ATP8A2: variants seen among roughly 807,000 people sequenced by gnomAD.
The protein encoded by ATP8A2 is ATPase phospholipid transporting 8A2.
A neutral mutation model predicts 165.6 loss-of-function variants in ATP8A2; 100 were observed. The observed-to-expected ratio is 0.60, with a 90% CI of 0.51 to 0.71. The LOEUF is 0.71. Ranked by LOEUF, ATP8A2 falls within the 30% of genes least tolerant of loss-of-function variation. The probability of loss-of-function intolerance (pLI) is 0.00; values close to 1 mark genes in which losing one functional copy is unlikely to be tolerated. For missense variants in ATP8A2, 1,227 were observed against 1,479.5 expected, an observed-to-expected ratio of 0.83 and a Z score of 2.80; for synonymous variants, 543 against 548.8, an observed-to-expected ratio of 0.99 and a Z score of 0.15.
rs1187935282 is a variant in ATP8A2, at chr13:25,439,764, G to T, written c.77-29213G>T. ...GTCTAATTTTTTCAAAAATTAGCCG[G>T]TCATGATGGTGTGCACCTGTAGTCC... On this transcript the variant is annotated intron_variant, in intron 1 of 36. Coordinates refer to ENST00000381655, the MANE Select transcript of ATP8A2 (RefSeq NM_016529.6). 2.0e-5 allele frequency among the ~76,000 whole-genome samples: 3 copies of T among 152,048 alleles called. No homozygotes were observed. The East Asian group carries it at 5.8e-4, about 29-fold the overall frequency.
intron 4 of ATP8A2, among the ~76,000 whole-genome samples, chr13:25,531,135 G>A (rs1003802265): frequency 1.5e-5 from 1 of 68,600 alleles, no homozygotes; most frequent in Non-Finnish European, 3.1e-5. Flanking sequence ...TTGTGTGTGT[G>A]TGTATATATA....
intron 12 of ATP8A2, among the ~76,000 whole-genome samples, chr13:25,554,708 C>T (rs2038928634): frequency 1.3e-5 from 2 of 151,962 alleles, no homozygotes; most frequent in Non-Finnish European, 2.9e-5. Context: ...TACAGACATG[C>T]ACCACCATGC....
At position 25,837,250 on chromosome 13, in the gene ATP8A2, A is replaced by C. The variant is rs1566188424; in HGVS notation, c.2842A>C (p.Lys948Gln). 6.2e-7 allele frequency: 1 copy of C among 1,614,170 alleles called. No individual in the cohort carries two copies. The highest frequency in any genetic ancestry group is 1.3e-5 in the African/African-American group (1 of 75,052). Residue 948 changes from lysine to glutamine, a missense_variant, in exon 29 of 37, where the codon AAA becomes CAA. Coordinates refer to ENST00000381655, the MANE Select transcript of ATP8A2 (RefSeq NM_016529.6). The part of the protein sequence containing the change: ...ESMLRFPQLY[K>Q]ITQNGEGFNT... ...CATGCTCAGGTTTCCCCAGCTCTACAAAATCACCCAGAATGGCGAAGGCTT... is the reference window on the plus strand; with the variant it reads ...CATGCTCAGGTTTCCCCAGCTCTACCAAATCACCCAGAATGGCGAAGGCTT...
intron 33 of ATP8A2, among the ~76,000 whole-genome samples, chr13:25,900,139 G>A (rs1351482311): frequency 1.3e-5 from 2 of 152,214 alleles, no homozygotes; most frequent in East Asian, 1.9e-4. Flanking sequence ...GAGAGGGAGG[G>A]AGGATAAGAC....
At chr13:25,633,190 T>C (rs555823319) in intron 24 of ATP8A2, among the ~76,000 whole-genome samples, 1 of 152,204 alleles carries the variant, frequency 6.6e-6, no homozygotes, top group Non-Finnish European at 1.5e-5. Context: ...GTTCTATTAA[T>C]GAGGCATGAT....
At chr13:26,008,879 A>G (rs2139345200) in intron 35 of ATP8A2, among the ~76,000 whole-genome samples, 1 of 152,344 alleles carries the variant, frequency 6.6e-6, no homozygotes, top group East Asian at 1.9e-4. Flanking sequence ...AAGGCTAGAA[A>G]TGTAAGGGTG....
intron 25 of ATP8A2, among the ~76,000 whole-genome samples, chr13:25,707,973 TG>T: frequency 6.6e-6 from 1 of 152,310 alleles, no homozygotes; most frequent in Middle Eastern, 3.4e-3. Flanking sequence ...TTTCAACACA[TG>T]GGGACCCTTG....
intron 30 of ATP8A2, among the ~76,000 whole-genome samples, chr13:25,854,131 T>C (rs1157352019): frequency 1.3e-5 from 2 of 152,204 alleles, no homozygotes; most frequent in African/African-American, 2.4e-5. Context: ...TGGTCATGTT[T>C]CATTGCTGTC....
At chr13:25,452,615 AT>A (rs1178085337) in intron 1 of ATP8A2, among the ~76,000 whole-genome samples, 1 of 152,190 alleles carries the variant, frequency 6.6e-6, no homozygotes, top group Non-Finnish European at 1.5e-5. Flanking sequence ...ACATTATTGT[AT>A]GTTATATTAG....
At chr13:25,452,863 G>A (rs1254047321) in intron 1 of ATP8A2, among the ~76,000 whole-genome samples, 2 of 152,046 alleles carry the variant, frequency 1.3e-5, no homozygotes, top group East Asian at 2.0e-4. Flanking sequence ...GGGAGGCTGA[G>A]GCAGGAGGAT....
chr13:25,905,258 T>G (rs1339354229), intron 33 of ATP8A2, among the ~76,000 whole-genome samples: 1 of 152,152 alleles, frequency 6.6e-6, no homozygotes, highest in East Asian at 1.9e-4. Flanking sequence ...AAAAAAAAAT[T>G]TTTAAGGGAT....
chr13:25,813,460 TATA>T (rs1479174758), intron 27 of ATP8A2, among the ~76,000 whole-genome samples: 1 of 118,704 alleles, frequency 8.4e-6, no homozygotes, highest in Non-Finnish European at 1.7e-5. Context: ...GATGATGTGA[TATA>T]ATATGGTGAT....
At chr13:25,556,975 G>T (rs2039000387) in intron 13 of ATP8A2, among the ~76,000 whole-genome samples, 1 of 152,098 alleles carries the variant, frequency 6.6e-6, no homozygotes, top group South Asian at 2.1e-4. Flanking sequence ...ATGGAGGTAG[G>T]CTTGCTTTCT....
chr13:25,950,187 G>A (rs145135711), intron 33 of ATP8A2, among the ~76,000 whole-genome samples: 13 of 152,236 alleles, frequency 8.5e-5, no homozygotes, highest in South Asian at 2.1e-4. Context: ...TCTCAGGGGC[G>A]ATATACTGTT....
At chr13:25,833,691 A>G (rs1211558801) in intron 28 of ATP8A2, among the ~76,000 whole-genome samples, 1 of 152,228 alleles carries the variant, frequency 6.6e-6, no homozygotes, top group Non-Finnish European at 1.5e-5. Context: ...AATTCCAGAT[A>G]TATTAAAGAC....
At chr13:26,011,250 G>A (rs1176076525) in intron 35 of ATP8A2, among the ~76,000 whole-genome samples, 3 of 152,172 alleles carry the variant, frequency 2.0e-5, no homozygotes, top group Non-Finnish European at 4.4e-5. Flanking sequence ...CCATACTCGA[G>A]CTACTTACAG....
At chr13:25,584,492 A>G (rs549359142) in intron 23 of ATP8A2, among the ~76,000 whole-genome samples, 35 of 152,346 alleles carry the variant, frequency 2.3e-4, no homozygotes, top group Middle Eastern at 3.4e-3. Flanking sequence ...TTCTCCTTCT[A>G]GATGAAAAAA....
rs201407069 is a variant in ATP8A2, at chr13:25,531,245, TTATATATGATATATATGATATATATGA to T, written c.420+594_420+620del. Among the ~76,000 whole-genome samples the T allele has an allele frequency of 8.9e-4, 81 of 90,504 alleles. 1 individual carries two copies. Among genetic ancestry groups the T allele is most frequent in the African/African-American group, 3.2e-3 (75 of 23,404 alleles). 59.4% of individuals were successfully genotyped at this position (90,504 alleles called of 152,430 possible). A position where few individuals can be genotyped will look rare whatever the true frequency, so the allele number is the denominator to read the frequency against. On this transcript the variant is annotated intron_variant, in intron 4 of 36. Coordinates refer to ENST00000381655, the MANE Select transcript of ATP8A2 (RefSeq NM_016529.6). ...ATATATGTTATATATGATATATATG[TTATATATGATATATATGATATATATGA>T]TATATATGTTATATATGATATATAT...
intron 2 of ATP8A2, among the ~76,000 whole-genome samples, chr13:25,469,691 G>C (rs773711940): frequency 1.3e-5 from 2 of 152,130 alleles, no homozygotes; most frequent in Middle Eastern, 3.2e-3. Flanking sequence ...ACACACCCTG[G>C]CTATAGCAGC....
Sources: gnomAD v4.1 joint callset for allele counts (sites outside exome capture counted in the v4.1 genomes callset) on GRCh38, gnomAD v4.1.1 for gene constraint, MANE v1.5 for transcripts, NCBI Gene and HGNC (gene_info 2026-07-23, HGNC 2026-07-21) for gene names.